CHST9: variants seen among roughly 807,000 people sequenced by gnomAD.
CHST9 encodes carbohydrate sulfotransferase 9, also known as GalNAc-4-sulfotransferase 2.
CHST9 carries 41 observed loss-of-function variants against 44.4 expected under a neutral mutation model. The observed-to-expected ratio is 0.92, with a 90% CI of 0.72 to 1.20. The LOEUF (loss-of-function observed/expected upper bound fraction) is 1.20, where lower values mean the gene tolerates loss of function less well. CHST9 is among the 50% of genes most tolerant of loss of function. The pLI, the probability that CHST9 is intolerant of heterozygous loss-of-function variation, is 0.00. For synonymous variants in CHST9, 171 were observed against 178.4 expected, an observed-to-expected ratio of 0.96 and a Z score of 0.33; for missense variants, 504 against 516.5, an observed-to-expected ratio of 0.98 and a Z score of 0.23.
chr18:26,917,266 T>A lies in CHST9; in HGVS notation c.325A>T (p.Thr109Ser). Residue 109 changes from threonine (T) to serine (S), a missense_variant, in exon 6 of 6, where the codon ACA becomes TCA. Thr to Ser is a moderately conservative substitution (Grantham distance 58, BLOSUM62 1). Transcript: ENST00000618847. The part of the protein sequence containing the change: ...LNSERSTRLL[T>S]KTSHSQGGDQ... Reference sequence around the variant, plus strand: ...CCTCCTTGTGAATGACTGGTCTTTGTTAAGAGCCTAGTAGATCTCTCAGAA... The same window carrying A: ...CCTCCTTGTGAATGACTGGTCTTTGATAAGAGCCTAGTAGATCTCTCAGAA... 6.2e-7 allele frequency: 1 copy of A among 1,613,850 alleles called. No homozygotes were observed. The highest frequency in any genetic ancestry group is 2.2e-5 in the East Asian group (1 of 44,870).
rs142843781 is a variant in CHST9, at chr18:27,039,797, A to C, written c.160+8668T>G. 7.2e-4 allele frequency among the ~76,000 whole-genome samples: 110 copies of C among 152,306 alleles called. 1 individual carries two copies. The highest frequency in any genetic ancestry group is 2.6e-3 in the African/African-American group (108 of 41,578). On this transcript the variant is annotated intron_variant, in intron 3 of 5. Coordinates refer to ENST00000618847, the MANE Select transcript of CHST9 (RefSeq NM_031422.6). Reference sequence around the variant, plus strand: ...AAGGTTAAGGAAAAATATTAAATTTAATGTACTTCATATTTGCTTATCTAT... The same window carrying C: ...AAGGTTAAGGAAAAATATTAAATTTCATGTACTTCATATTTGCTTATCTAT...
chr18:27,055,549 A>C (rs1419880108), intron 2 of CHST9, among the ~76,000 whole-genome samples: 7 of 152,172 alleles, frequency 4.6e-5, no homozygotes, highest in Admixed American at 3.3e-4. Flanking sequence ...CCAGGTCACC[A>C]CTATTGCCAT....
intron 4 of CHST9, among the ~76,000 whole-genome samples, chr18:26,973,204 C>T (rs1407195926): frequency 6.6e-6 from 1 of 152,172 alleles, no homozygotes; most frequent in Non-Finnish European, 1.5e-5. Flanking sequence ...TATAGTTTAC[C>T]TAATTCCTTT....
At chr18:27,079,084 C>T (rs1025387672) in intron 2 of CHST9, among the ~76,000 whole-genome samples, 2 of 152,128 alleles carry the variant, frequency 1.3e-5, no homozygotes, top group African/African-American at 4.8e-5. Flanking sequence ...AGTGGGCGTA[C>T]TCTGAAGCCC....
chr18:27,022,884 C>G (rs185564801), intron 4 of CHST9, among the ~76,000 whole-genome samples: 1 of 152,150 alleles, frequency 6.6e-6, no homozygotes, highest in Non-Finnish European at 1.5e-5. Context: ...TTATGGGCTA[C>G]CAGTAAAGTG....
At chr18:27,015,857 G>A (rs535588479) in intron 4 of CHST9, among the ~76,000 whole-genome samples, 1 of 152,220 alleles carries the variant, frequency 6.6e-6, no homozygotes. Context: ...TGGGTCCCTC[G>A]CAAGGTCTCA....
At chr18:27,069,849 T>C (rs915867945) in intron 2 of CHST9, among the ~76,000 whole-genome samples, 3 of 152,152 alleles carry the variant, frequency 2.0e-5, no homozygotes, top group African/African-American at 4.8e-5. Flanking sequence ...TGTTCTAATT[T>C]GAATCCTAGT....
intron 2 of CHST9, among the ~76,000 whole-genome samples, chr18:27,133,629 A>C (rs2058490520): frequency 6.6e-6 from 1 of 152,242 alleles, no homozygotes; most frequent in African/African-American, 2.4e-5. Flanking sequence ...TGGGAGATGC[A>C]GAGCATATGT....
At chr18:27,162,738 T>A (rs1056536284) in intron 1 of CHST9, among the ~76,000 whole-genome samples, 1 of 152,230 alleles carries the variant, frequency 6.6e-6, no homozygotes, top group Non-Finnish European at 1.5e-5. Context: ...GGTTTTTAAC[T>A]TCTTTGCCAT....
intron 2 of CHST9, among the ~76,000 whole-genome samples, chr18:27,053,273 GGA>G (rs1568151270): frequency 7.8e-4 from 95 of 122,234 alleles, no homozygotes; most frequent in East Asian, 4.4e-3. Flanking sequence ...AGAAGGAGAA[GGA>G]GAAGGAGAAG....
At chr18:27,133,755 A>C (rs1006923314) in intron 2 of CHST9, among the ~76,000 whole-genome samples, 3 of 152,196 alleles carry the variant, frequency 2.0e-5, no homozygotes, top group African/African-American at 7.2e-5. Context: ...TGTTTGGGGA[A>C]GGTGATATTG....
chr18:26,929,846 C>T (rs1020602043), intron 5 of CHST9, among the ~76,000 whole-genome samples: 1 of 152,122 alleles, frequency 6.6e-6, no homozygotes, highest in Non-Finnish European at 1.5e-5. Flanking sequence ...TAAGGTGAAG[C>T]TGGGGGCTAT....
intron 2 of CHST9, among the ~76,000 whole-genome samples, chr18:27,071,633 A>C (rs1168472801): frequency 6.6e-6 from 1 of 152,160 alleles, no homozygotes; most frequent in African/African-American, 2.4e-5. Flanking sequence ...TTCTCAATTC[A>C]AAAACTTTGT....
intron 1 of CHST9, chr18:27,147,782 A>AGC (rs2143886510): frequency 1.3e-5 from 2 of 151,850 alleles, no homozygotes; most frequent in East Asian, 3.9e-4. Flanking sequence ...TTCCTCTGTA[A>AGC]ACCCCTACAG....
chr18:27,156,642 G>A (rs1167105032), intron 1 of CHST9, among the ~76,000 whole-genome samples: 1 of 152,042 alleles, frequency 6.6e-6, no homozygotes, highest in East Asian at 1.9e-4. Context: ...AAACAAAAAC[G>A]AGCAGCATTT....
chr18:27,163,608 C>A (rs540790822), intron 1 of CHST9, among the ~76,000 whole-genome samples: 38 of 152,312 alleles, frequency 2.5e-4, no homozygotes, highest in African/African-American at 8.9e-4. Flanking sequence ...TAGGACCCTC[C>A]AAGCCAGGTG....
At chr18:27,183,957 A>G (rs1489255473) in intron 1 of CHST9, among the ~76,000 whole-genome samples, 2 of 152,192 alleles carry the variant, frequency 1.3e-5, no homozygotes, top group East Asian at 3.9e-4. Context: ...TTGGATGTGT[A>G]TATGTGAGTT....
At chr18:27,090,021 C>T (rs1568167999) in intron 2 of CHST9, among the ~76,000 whole-genome samples, 1 of 152,010 alleles carries the variant, frequency 6.6e-6, no homozygotes, top group Non-Finnish European at 1.5e-5. Context: ...TTGTGTTAGC[C>T]AGTATGGTCT....
intron 4 of CHST9, among the ~76,000 whole-genome samples, chr18:26,977,688 G>C (rs1448868869): frequency 2.0e-5 from 3 of 152,058 alleles, no homozygotes; most frequent in African/African-American, 7.2e-5. Flanking sequence ...ATCCGAAAAA[G>C]AATATGCATT....
Sources: gnomAD v4.1 joint callset for allele counts (sites outside exome capture counted in the v4.1 genomes callset) on GRCh38, gnomAD v4.1.1 for gene constraint, MANE v1.5 for transcripts, NCBI Gene and HGNC (gene_info 2026-07-23, HGNC 2026-07-21) for gene names.